The following ERBB4 variants were observed in gnomAD, a reference collection of about 807,000 sequenced individuals.
The protein encoded by ERBB4 is erb-b2 receptor tyrosine kinase 4.
A neutral mutation model predicts 158.0 loss-of-function variants in ERBB4; 42 were observed. The observed-to-expected ratio is 0.27, with a 90% CI of 0.21 to 0.34. The LOEUF (loss-of-function observed/expected upper bound fraction) is 0.34. Ranked by LOEUF, ERBB4 falls within the 10% of genes least tolerant of loss-of-function variation. The probability of loss-of-function intolerance (pLI) is 1.00; values close to 1 mark genes in which losing one functional copy is unlikely to be tolerated. For synonymous variants in ERBB4, 583 were observed against 558.7 expected (o/e 1.04, Z -0.61); for missense variants, 1,333 against 1,624.1 (o/e 0.82, Z 3.08).
At position 212,261,225 on chromosome 2, in the gene ERBB4, C is replaced by A. The variant is rs937660728; in HGVS notation, c.83-136322G>T. Among the ~76,000 whole-genome samples the A allele has an allele frequency of 1.6e-4, 24 of 152,074 alleles. 1 individual carries two copies. Among genetic ancestry groups the A allele is most frequent in the African/African-American group, 5.1e-4 (21 of 41,396 alleles). On this transcript the variant is annotated intron_variant, in intron 1 of 27. Coordinates refer to ENST00000342788, the MANE Select transcript of ERBB4 (RefSeq NM_005235.3). ...GACCAAGATACTGTTTGATTATATA[C>A]AAGGTTACACAAAGGATATATTTGA...
intron 1 of ERBB4, among the ~76,000 whole-genome samples, chr2:212,534,832 A>C (rs145831808): frequency 2.0e-5 from 3 of 152,288 alleles, no homozygotes; most frequent in African/African-American, 4.8e-5. Context: ...AGGAAATACG[A>C]TTTTCCATCA....
intron 1 of ERBB4, among the ~76,000 whole-genome samples, chr2:212,388,761 A>T (rs2090760621): frequency 6.6e-6 from 1 of 152,146 alleles, no homozygotes; most frequent in Admixed American, 6.6e-5. Flanking sequence ...TTAAAACACA[A>T]TGCCTAAGAA....
rs563008238 is a variant in ERBB4 at position 212,051,494 on chromosome 2, AAT to A, written c.234+73256_234+73257del. 1.2e-4 allele frequency among the ~76,000 whole-genome samples: 19 copies of A among 152,282 alleles called. No individual in the cohort carries two copies. In the East Asian group the frequency reaches 3.7e-3, roughly 29 times the overall value. On this transcript the variant is annotated intron_variant, in intron 2 of 27. Coordinates refer to ENST00000342788, the MANE Select transcript of ERBB4 (RefSeq NM_005235.3). ...AAGAATAATTTTTAGCAATTTTCAT[AAT>A]ATAATAAAAATTGATGTTATGTTTC... is the stretch of plus-strand genomic sequence containing the variant.
intron 19 of ERBB4, among the ~76,000 whole-genome samples, chr2:211,616,248 C>T (rs1045600765): frequency 1.3e-5 from 2 of 152,086 alleles, no homozygotes. Flanking sequence ...CCTACACTGG[C>T]TGCCAGAGTC....
At chr2:211,459,179 T>A (rs1275899576) in intron 20 of ERBB4, among the ~76,000 whole-genome samples, 2 of 152,222 alleles carry the variant, frequency 1.3e-5, no homozygotes, top group Non-Finnish European at 2.9e-5. Flanking sequence ...AGTCAGCATA[T>A]GTCAGTGTTC....
At chr2:211,859,047 G>A (rs540098792) in intron 3 of ERBB4, among the ~76,000 whole-genome samples, 1 of 152,144 alleles carries the variant, frequency 6.6e-6, no homozygotes, top group African/African-American at 2.4e-5. Flanking sequence ...CTCACAAAGT[G>A]CTGGGATTAC....
At chr2:212,484,230 G>A (rs563807993) in intron 1 of ERBB4, among the ~76,000 whole-genome samples, 1 of 152,300 alleles carries the variant, frequency 6.6e-6, no homozygotes, top group Non-Finnish European at 1.5e-5. Context: ...TTAACTAAGT[G>A]AAGGGACAAT....
chr2:212,260,621 T>C (rs1290810428), intron 1 of ERBB4, among the ~76,000 whole-genome samples: 1 of 152,134 alleles, frequency 6.6e-6, no homozygotes, highest in Non-Finnish European at 1.5e-5. Flanking sequence ...AAGACCAGCC[T>C]GGCAAACATG....
At chr2:211,688,760 A>G (rs1283017759) in intron 12 of ERBB4, among the ~76,000 whole-genome samples, 1 of 152,200 alleles carries the variant, frequency 6.6e-6, no homozygotes, top group Non-Finnish European at 1.5e-5. Context: ...ATTTAAAACT[A>G]TATATTCTTC....
At chr2:212,147,157 ATTTTTTTTTTT>A (rs71397161) in intron 1 of ERBB4, among the ~76,000 whole-genome samples, 9 of 34,260 alleles carry the variant, frequency 2.6e-4, no homozygotes, top group East Asian at 6.2e-4. Context: ...TGCCCAGCTA[ATTTTTTTTTTT>A]TTTTTTTTTT....
intron 25 of ERBB4, among the ~76,000 whole-genome samples, chr2:211,389,490 T>A (rs921413247): frequency 6.6e-6 from 1 of 152,214 alleles, no homozygotes; most frequent in Middle Eastern, 3.2e-3. Context: ...GCTGGACTAA[T>A]CAAGGGACAT....
At position 212,188,247 on chromosome 2, in the gene ERBB4, A is replaced by C. The variant is rs77230661; in HGVS notation, c.83-63344T>G. On this transcript the variant is annotated intron_variant, in intron 1 of 27. Coordinates refer to ENST00000342788, the MANE Select transcript of ERBB4 (RefSeq NM_005235.3). The stretch of plus-strand genomic sequence containing the variant: ...CTCTCTCTCTCTCCCCCCCCCTCTC[A>C]CCCCCTCCCTCCCTCCCTCTTCTCT... 7.7e-3 allele frequency among the ~76,000 whole-genome samples: 69 copies of C among 8,980 alleles called. 1 individual carries two copies. Among genetic ancestry groups the C allele is most frequent in the East Asian group, 0.013 (2 of 156 alleles). The allele number at this position is 8,980 out of a possible 152,430, so 5.9% of individuals were successfully genotyped here.
Position 211,381,898 on chromosome 2 carries a change from C to T in ERBB4, c.*1717G>A, listed in dbSNP as rs148026505. On this transcript the variant is annotated 3_prime_UTR_variant, in exon 28 of 28. Transcript: ENST00000342788. ...AAAGGGCGACTTATATCTAAGTTTC[C>T]TAATTATTGATGTGAGGCCCCCTTT... 7.5e-3 allele frequency: 1,730 copies of T among 229,224 alleles called. 33 individuals carry two copies. The highest frequency in any genetic ancestry group is 0.036 in the African/African-American group (1,621 of 45,192). The allele number at this position is 229,224 out of a possible 1,614,324, so 14.2% of individuals were successfully genotyped here. A position where few individuals can be genotyped will look rare whatever the true frequency, so the allele number is the denominator to read the frequency against.
chr2:211,967,716 G>A (rs2081344121), intron 2 of ERBB4, among the ~76,000 whole-genome samples: 1 of 151,790 alleles, frequency 6.6e-6, no homozygotes. Context: ...CAATGTGAAG[G>A]GTCAAGAGGA....
At chr2:211,575,441 A>T (rs970615809) in intron 19 of ERBB4, among the ~76,000 whole-genome samples, 13 of 152,180 alleles carry the variant, frequency 8.5e-5, no homozygotes, top group Non-Finnish European at 1.8e-4. Flanking sequence ...GTGAATCTAA[A>T]AGTGCTGAAT....
At chr2:212,346,683 G>A (rs1910861) in intron 1 of ERBB4, among the ~76,000 whole-genome samples, 53,853 of 151,874 alleles carry the variant, frequency 0.35, 11,531 homozygotes, top group East Asian at 0.77. Context: ...GACATAGTAT[G>A]TATTTCTGTT....
At chr2:211,938,947 C>A (rs1282194764) in intron 3 of ERBB4, among the ~76,000 whole-genome samples, 2 of 152,044 alleles carry the variant, frequency 1.3e-5, no homozygotes, top group Non-Finnish European at 2.9e-5. Context: ...AGCAAGCAAG[C>A]TTGATTTTTA....
At chr2:211,460,323 T>C (rs2064497273) in intron 20 of ERBB4, among the ~76,000 whole-genome samples, 1 of 152,208 alleles carries the variant, frequency 6.6e-6, no homozygotes, top group Admixed American at 6.5e-5. Flanking sequence ...CAGATTTATC[T>C]TTGTAAAACT....
rs562420133 is a variant in ERBB4 at position 212,025,726 on chromosome 2, A to T, written c.235-78110T>A. Among the ~76,000 whole-genome samples, 5 of 151,846 alleles carry T rather than the reference A, an allele frequency of 3.3e-5. No individual in the cohort carries two copies. The South Asian group carries it at 1.0e-3, about 31-fold the overall frequency. ...AAAATACTCAAACTGAAAACTAGTA[A>T]ATCTACTCATACTCCTCTCTCTTTT... On this transcript the variant is annotated intron_variant, in intron 2 of 27. Coordinates refer to ENST00000342788, the MANE Select transcript of ERBB4 (RefSeq NM_005235.3).
Sources: allele counts gnomAD v4.1 joint callset (sites outside exome capture counted in the v4.1 genomes callset), GRCh38; gene constraint gnomAD v4.1.1; transcripts MANE v1.5; gene names NCBI Gene and HGNC (gene_info 2026-07-23, HGNC 2026-07-21).